The following PRIM2 variants were observed in gnomAD, a reference collection of about 807,000 sequenced individuals.
The protein encoded by PRIM2 is DNA primase subunit 2, also known as DNA primase large subunit.
In PRIM2, 39 loss-of-function variants were observed where a neutral mutation model predicts 67.3. That is an observed-to-expected ratio of 0.58 (90% CI 0.45 to 0.76). PRIM2 has a LOEUF of 0.76. Ranked by LOEUF, PRIM2 falls within the 30% of genes least tolerant of loss-of-function variation. The pLI, the probability that PRIM2 is intolerant of heterozygous loss-of-function variation, is 0.00. For synonymous variants in PRIM2, 143 were observed against 198.7 expected (o/e 0.72, Z 2.36); for missense variants, 398 against 598.7 (o/e 0.66, Z 3.50).
At chr6:57,644,864 CTG>C (rs1777308084) in intron 13 of PRIM2, among the ~76,000 whole-genome samples, 2 of 152,066 alleles carry the variant, frequency 1.3e-5, no homozygotes, top group Non-Finnish European at 2.9e-5. Flanking sequence ...GGATTTGAGA[CTG>C]TGGAAAGTGA....
chr6:57,585,738 G>T (rs1268153673), intron 10 of PRIM2, among the ~76,000 whole-genome samples: 3 of 152,190 alleles, frequency 2.0e-5, no homozygotes, highest in African/African-American at 7.2e-5. Flanking sequence ...TGAAACCAAA[G>T]GTCAAGGCCT....
intron 7 of PRIM2, among the ~76,000 whole-genome samples, chr6:57,414,216 C>A (rs548600392): frequency 6.6e-6 from 1 of 152,178 alleles, no homozygotes; most frequent in East Asian, 1.9e-4. Flanking sequence ...GTTAAGAGAT[C>A]CCTTTTGATA....
chr6:57,489,711 G>A (rs1443443686), intron 7 of PRIM2, among the ~76,000 whole-genome samples: 1 of 152,306 alleles, frequency 6.6e-6, no homozygotes, highest in African/African-American at 2.4e-5. Context: ...AAGTTGGAGA[G>A]TTAATATAGG....
intron 8 of PRIM2, among the ~76,000 whole-genome samples, chr6:57,507,663 C>T (rs1381243296): frequency 6.6e-6 from 1 of 152,060 alleles, no homozygotes; most frequent in Non-Finnish European, 1.5e-5. Flanking sequence ...TTTAATTCAA[C>T]AACAGTGTGC....
intron 10 of PRIM2, among the ~76,000 whole-genome samples, chr6:57,566,320 A>G (rs1379085385): frequency 6.6e-6 from 1 of 150,454 alleles, no homozygotes; most frequent in Non-Finnish European, 1.5e-5. Flanking sequence ...AGTAGTTTGA[A>G]CCCTCTGTTT....
intron 7 of PRIM2, among the ~76,000 whole-genome samples, chr6:57,490,137 A>G (rs1358533213): frequency 2.0e-5 from 3 of 152,142 alleles, no homozygotes; most frequent in African/African-American, 7.2e-5. Context: ...TGGAGCATGC[A>G]GATTATACCC....
At position 57,520,539 on chromosome 6, in the gene PRIM2, A is replaced by G. The variant is rs1379066361; in HGVS notation, c.762-11872A>G. ...ATAAAATTTTTACTCATGAAAATAG[A>G]TATGTTTGTTGGGGGTCTTAAAGTT... On this transcript the variant is annotated intron_variant, in intron 8 of 13. Coordinates refer to ENST00000615550, the MANE Select transcript of PRIM2 (RefSeq NM_000947.5). 2.6e-4 allele frequency among the ~76,000 whole-genome samples: 40 copies of G among 152,314 alleles called. No individual in the cohort carries two copies. The South Asian group carries it at 3.1e-3, about 12-fold the overall frequency.
At chr6:57,600,975 A>G (rs1776453103) in intron 10 of PRIM2, 118 bp from the exon 11 acceptor site, 4 of 911,590 alleles carry the variant, frequency 4.4e-6, no homozygotes, top group Non-Finnish European at 6.3e-6. Flanking sequence ...CTGCCCGTGA[A>G]TGCTGAGTTT....
In PRIM2 at chr6:57,382,856, T is replaced by G. The variant is rs532191243; in HGVS notation, c.693+688T>G. The G allele has an allele frequency of 2.0e-5, 3 of 152,330 alleles. No individual in the cohort carries two copies. In the East Asian group the frequency reaches 5.8e-4, roughly 29 times the overall value. The allele number at this position is 152,330 out of a possible 1,614,324, so 9.4% of individuals were successfully genotyped here. A position where few individuals can be genotyped will look rare whatever the true frequency, so the allele number is the denominator to read the frequency against. On this transcript the variant is annotated intron_variant, in intron 7 of 13. Coordinates refer to ENST00000615550, the MANE Select transcript of PRIM2 (RefSeq NM_000947.5). ...GGTTTGTGACATGGCTGTTTTAAACTGTACTGATTATAGTGTAAGCATATG... is the reference window on the plus strand; with the variant it reads ...GGTTTGTGACATGGCTGTTTTAAACGGTACTGATTATAGTGTAAGCATATG...
intron 7 of PRIM2, among the ~76,000 whole-genome samples, chr6:57,403,320 G>A (rs889994726): frequency 2.7e-5 from 4 of 149,156 alleles, no homozygotes; most frequent in Middle Eastern, 3.5e-3. Context: ...GCAGTGGCGC[G>A]AACTCGGCTC....
chr6:57,451,445 T>C (rs35073297), intron 7 of PRIM2, among the ~76,000 whole-genome samples: 13 of 152,272 alleles, frequency 8.5e-5, no homozygotes, highest in East Asian at 3.9e-4. Context: ...TAGCCTGATA[T>C]AGTAACATTG....
upstream of PRIM2, among the ~76,000 whole-genome samples, chr6:57,316,626 C>T (rs1465866966): frequency 6.6e-6 from 1 of 152,076 alleles, no homozygotes; most frequent in Admixed American, 6.5e-5. Context: ...ATTTGATCTC[C>T]TAAGGACTAC....
chr6:57,622,389 A>G (rs1460973640), intron 12 of PRIM2, among the ~76,000 whole-genome samples: 7 of 152,184 alleles, frequency 4.6e-5, no homozygotes, highest in Non-Finnish European at 7.4e-5. Flanking sequence ...AATGTTGAGT[A>G]TTCGAGTGAT....
chr6:57,508,420 A>G (rs1774294639), intron 8 of PRIM2, among the ~76,000 whole-genome samples: 2 of 152,104 alleles, frequency 1.3e-5, no homozygotes, highest in African/African-American at 2.4e-5. Flanking sequence ...GTACTATAGC[A>G]TATTTATCTC....
the PRIM2 span, among the ~76,000 whole-genome samples, chr6:57,306,224 C>A: frequency 6.6e-6 from 1 of 152,156 alleles, no homozygotes; most frequent in African/African-American, 2.4e-5. Flanking sequence ...TGGTTCCTAT[C>A]CTGTGTGTCT....
the PRIM2 span, among the ~76,000 whole-genome samples, chr6:57,297,044 C>G: frequency 6.6e-6 from 1 of 151,970 alleles, no homozygotes; most frequent in Non-Finnish European, 1.5e-5. Flanking sequence ...TTCACTGATA[C>G]AAACAATTGA....
At chr6:57,337,133 A>T (rs1271049811) in intron 5 of PRIM2, among the ~76,000 whole-genome samples, 1 of 152,222 alleles carries the variant, frequency 6.6e-6, no homozygotes, top group Non-Finnish European at 1.5e-5. Context: ...ATAATGGTAA[A>T]GGGATCAATT....
At chr6:57,330,345 CTTGTTTTTTTTTTTTGTTT>C (rs1393419418) in intron 5 of PRIM2, among the ~76,000 whole-genome samples, 1 of 59,664 alleles carries the variant, frequency 1.7e-5, no homozygotes, top group East Asian at 4.8e-4. Flanking sequence ...CCTTGCTGAA[CTTGTTTTTTTTTTTTGTTT>C]TTGTTTTTTT....
intron 7 of PRIM2, among the ~76,000 whole-genome samples, chr6:57,479,290 T>C (rs1231060784): frequency 6.6e-6 from 1 of 152,252 alleles, no homozygotes; most frequent in African/African-American, 2.4e-5. Flanking sequence ...GACTTTCTTA[T>C]ATAGTAATCC....
Sources: allele counts gnomAD v4.1 joint callset (sites outside exome capture counted in the v4.1 genomes callset), GRCh38; gene constraint gnomAD v4.1.1; transcripts MANE v1.5; gene names NCBI Gene and HGNC (gene_info 2026-07-23, HGNC 2026-07-21).